The following SLX4IP variants were observed in gnomAD, a reference collection of about 807,000 sequenced individuals.
SLX4IP encodes the protein protein SLX4IP.
SLX4IP carries 34 observed loss-of-function variants against 32.9 expected under a neutral mutation model. The observed-to-expected ratio is 1.03, with a 90% confidence interval of 0.79 to 1.38. SLX4IP has a LOEUF of 1.38. Ranked by LOEUF, SLX4IP falls within the 40% of genes most tolerant of loss-of-function variation. The pLI, the probability that SLX4IP is intolerant of heterozygous loss-of-function variation, is 0.00. For synonymous variants in SLX4IP, 172 were observed against 171.7 expected (o/e 1.00, Z -0.01); for missense variants, 444 against 479.0 (o/e 0.93, Z 0.68).
chr20:10,487,996 G>A (rs2065589336), intron 2 of SLX4IP, among the ~76,000 whole-genome samples: 1 of 152,158 alleles, frequency 6.6e-6, no homozygotes, highest in Admixed American at 6.5e-5. Flanking sequence ...GACTTTGTAA[G>A]TAGGACCTAT....
intron 2 of SLX4IP, among the ~76,000 whole-genome samples, chr20:10,472,231 A>G (rs1428821097): frequency 7.9e-6 from 1 of 126,896 alleles, no homozygotes; most frequent in African/African-American, 3.3e-5. Flanking sequence ...CCGTAATACT[A>G]TACTTTTTTT....
intron 4 of SLX4IP, among the ~76,000 whole-genome samples, chr20:10,581,012 A>G (rs576706647): frequency 1.2e-3 from 180 of 151,250 alleles, no homozygotes; most frequent in African/African-American, 3.8e-3. Context: ...CCTTAATGCC[A>G]TTTCTAAGGA....
chr20:10,596,558 G>A (rs111811179), intron 4 of SLX4IP, among the ~76,000 whole-genome samples: 3,662 of 152,132 alleles, frequency 0.024, 101 homozygotes, highest in Admixed American at 0.088. Flanking sequence ...TAAAGATTTT[G>A]CATAGGAAGA....
At chr20:10,524,088 C>T (rs6040008) in intron 2 of SLX4IP, among the ~76,000 whole-genome samples, 4,576 of 152,250 alleles carry the variant, frequency 0.03, 114 homozygotes, top group Admixed American at 0.099. Context: ...CACTGGGAGG[C>T]GTAGAGAATG....
chr20:10,601,678 T>G, intron 5 of SLX4IP, 53 bp from the exon 6 acceptor site: 1 of 1,456,230 alleles, frequency 6.9e-7, no homozygotes, highest in Non-Finnish European at 9.6e-7. Context: ...ACAACCATTC[T>G]GTGTTTATAG....
chr20:10,506,710 C>T lies in SLX4IP; in HGVS notation c.27+48479C>T, dbSNP rs561619813. On this transcript the variant is annotated intron_variant, in intron 2 of 7. Transcript: ENST00000334534. The stretch of plus-strand genomic sequence containing the variant: ...CTCACATTCTAGTACAGGAAACAGA[C>T]CATAAACAATAACTGGAATAAAGAC... Among the ~76,000 whole-genome samples, 6 of 152,138 alleles carry T rather than the reference C, an allele frequency of 3.9e-5. No individual in the cohort carries two copies. In the East Asian group the frequency reaches 1.2e-3, roughly 29 times the overall value.
chr20:10,550,197 G>T (rs1950973168), intron 2 of SLX4IP, among the ~76,000 whole-genome samples: 2 of 152,106 alleles, frequency 1.3e-5, no homozygotes, highest in Admixed American at 1.3e-4. Context: ...CCTATCATCG[G>T]TTTCATCTTA....
intron 2 of SLX4IP, among the ~76,000 whole-genome samples, chr20:10,535,897 G>T (rs562788170): frequency 6.6e-6 from 1 of 152,276 alleles, no homozygotes; most frequent in African/African-American, 2.4e-5. Flanking sequence ...GCTTTCAAAG[G>T]GGTAAGGATT....
chr20:10,509,636 G>A (rs544928102), intron 2 of SLX4IP, among the ~76,000 whole-genome samples: 1 of 152,082 alleles, frequency 6.6e-6, no homozygotes, highest in Non-Finnish European at 1.5e-5. Context: ...GTTCATTGCA[G>A]CATTGTTTAC....
chr20:10,616,418 ATAAAT>A (rs1356221052), intron 6 of SLX4IP, among the ~76,000 whole-genome samples: 3 of 151,146 alleles, frequency 2.0e-5, no homozygotes, highest in Non-Finnish European at 4.4e-5. Flanking sequence ...AAATAAATAA[ATAAAT>A]AAATAAATAA....
intron 2 of SLX4IP, among the ~76,000 whole-genome samples, chr20:10,504,735 G>A (rs2065744446): frequency 6.6e-6 from 1 of 152,198 alleles, no homozygotes; most frequent in Non-Finnish European, 1.5e-5. Context: ...GGTGGAGGAA[G>A]GCCATGTTAA....
intron 2 of SLX4IP, among the ~76,000 whole-genome samples, chr20:10,519,259 A>C (rs1448627243): frequency 6.6e-6 from 1 of 152,192 alleles, no homozygotes; most frequent in African/African-American, 2.4e-5. Context: ...ATAATTCAGT[A>C]GTTTTTAGTA....
At chr20:10,476,570 G>A (rs947171317) in intron 2 of SLX4IP, among the ~76,000 whole-genome samples, 3 of 152,082 alleles carry the variant, frequency 2.0e-5, no homozygotes, top group African/African-American at 4.8e-5. Flanking sequence ...TTCCTATGCC[G>A]CGTGTGTCTG....
chr20:10,473,971 C>T (rs530105823), intron 2 of SLX4IP, among the ~76,000 whole-genome samples: 79 of 152,124 alleles, frequency 5.2e-4, no homozygotes, highest in African/African-American at 1.6e-3. Flanking sequence ...TACAGACACA[C>T]GCCACCATGC....
chr20:10,440,137 T>C (rs2065148981), intron 1 of SLX4IP, among the ~76,000 whole-genome samples: 1 of 144,074 alleles, frequency 6.9e-6, no homozygotes. Context: ...AAAGATTGCA[T>C]TTTTTTTTTA....
At chr20:10,614,753 G>A (rs1309177173) in intron 6 of SLX4IP, among the ~76,000 whole-genome samples, 3 of 152,178 alleles carry the variant, frequency 2.0e-5, no homozygotes, top group African/African-American at 4.8e-5. Flanking sequence ...GCCTCACCAA[G>A]CTGTATTGAG....
intron 5 of SLX4IP, among the ~76,000 whole-genome samples, chr20:10,599,606 C>T (rs969333134): frequency 2.0e-5 from 3 of 150,682 alleles, no homozygotes; most frequent in Admixed American, 2.0e-4. Flanking sequence ...CACTATGTTG[C>T]AGCTGGTCTC....
intron 1 of SLX4IP, among the ~76,000 whole-genome samples, chr20:10,440,384 G>A (rs986920451): frequency 1.3e-5 from 2 of 151,944 alleles, no homozygotes; most frequent in Non-Finnish European, 2.9e-5. Flanking sequence ...GAACCCACGA[G>A]GCAGAGGTTG....
intron 1 of SLX4IP, among the ~76,000 whole-genome samples, chr20:10,454,997 G>C (rs1410009897): frequency 2.6e-5 from 4 of 152,126 alleles, no homozygotes; most frequent in African/African-American, 7.2e-5. Context: ...GATGGCTAAT[G>C]ATGTTAAGCA....
Sources: allele counts gnomAD v4.1 joint callset (sites outside exome capture counted in the v4.1 genomes callset), GRCh38; gene constraint gnomAD v4.1.1; transcripts MANE v1.5; gene names NCBI Gene and HGNC (gene_info 2026-07-23, HGNC 2026-07-21).